Variants in CGNL1 observed in about 807,000 individuals in gnomAD.
CGNL1 encodes the protein cingulin like 1.
Under a neutral mutation model 141.2 loss-of-function variants are expected in CGNL1, and 132 were observed. That is an observed-to-expected ratio of 0.93 (90% CI 0.81 to 1.08). The LOEUF is 1.08. Ranked by LOEUF, CGNL1 falls within the 50% of genes least tolerant of loss-of-function variation. The pLI is 0.00. For synonymous variants in CGNL1, 690 were observed against 622.1 expected, an observed-to-expected ratio of 1.11 and a Z score of -1.63; for missense variants, 1,870 against 1,588.6, an observed-to-expected ratio of 1.18 and a Z score of -3.01.
intron 13 of CGNL1, among the ~76,000 whole-genome samples, chr15:57,530,065 C>A (rs2031864788): frequency 6.6e-6 from 1 of 152,218 alleles, no homozygotes; most frequent in African/African-American, 2.4e-5. Flanking sequence ...CAACCTGGCT[C>A]AAAACAAGCT....
At chr15:57,395,998 C>G (rs1009706702) in intron 1 of CGNL1, among the ~76,000 whole-genome samples, 4 of 152,126 alleles carry the variant, frequency 2.6e-5, no homozygotes, top group Non-Finnish European at 4.4e-5. Flanking sequence ...TGTTCTTGAA[C>G]TTCATAAAAA....
chr15:57,480,318 G>C (rs2063710039), intron 8 of CGNL1, among the ~76,000 whole-genome samples: 1 of 132,812 alleles, frequency 7.5e-6, no homozygotes, highest in African/African-American at 3.4e-5. Context: ...AGGAGTTTGA[G>C]ACCCGCCTGG....
chr15:57,429,054 G>A (rs1326070643), intron 1 of CGNL1, among the ~76,000 whole-genome samples: 1 of 151,216 alleles, frequency 6.6e-6, no homozygotes, highest in East Asian at 2.0e-4. Context: ...AAAAAAAAGT[G>A]CAGCTGCACA....
In CGNL1 at chr15:57,531,735, A is replaced by G; in HGVS notation, c.3247A>G (p.Asn1083Asp). The G allele has an allele frequency of 1.9e-6, 3 of 1,613,438 alleles. No individual in the cohort carries two copies. The highest frequency in any genetic ancestry group is 1.7e-4 in the Middle Eastern group (1 of 6,060). Reference protein sequence around the residue: ...LEMELEEERNNSDLLSERISR... With the variant: ...LEMELEEERNDSDLLSERISR... ...GATGGAACTGGAAGAAGAGAGAAAC[A>G]ACTCAGATTTGCTGTCTGAGAGGAT... The change falls in exon 14 of 19, where the codon AAC becomes GAC. Residue 1083 changes from asparagine (N) to aspartate (D), a missense_variant. Coordinates refer to ENST00000281282, the MANE Select transcript of CGNL1 (RefSeq NM_032866.5).
At chr15:57,480,781 G>A (rs1050016353) in intron 8 of CGNL1, among the ~76,000 whole-genome samples, 19 of 152,120 alleles carry the variant, frequency 1.2e-4, no homozygotes, top group Admixed American at 1.3e-4. Flanking sequence ...TTCTAAAGAG[G>A]AGACAGGTAT....
chr15:57,412,226 T>C (rs1256681616), intron 1 of CGNL1, among the ~76,000 whole-genome samples: 2 of 152,210 alleles, frequency 1.3e-5, no homozygotes, highest in African/African-American at 4.8e-5. Flanking sequence ...TGTTAGTGGG[T>C]GGCCCGAACC....
At chr15:57,422,586 A>G (rs1208792152) in intron 1 of CGNL1, among the ~76,000 whole-genome samples, 2 of 152,250 alleles carry the variant, frequency 1.3e-5, no homozygotes, top group Admixed American at 6.5e-5. Context: ...TGGACAGCAT[A>G]GTTCGGAGCA....
intron 7 of CGNL1, among the ~76,000 whole-genome samples, chr15:57,458,949 AC>A (rs2063413269): frequency 1.3e-5 from 2 of 152,154 alleles, no homozygotes; most frequent in African/African-American, 4.8e-5. Context: ...ATGCAGCCCC[AC>A]CCTGGGATTG....
intron 8 of CGNL1, among the ~76,000 whole-genome samples, chr15:57,491,873 C>T (rs760161481): frequency 6.6e-6 from 1 of 152,178 alleles, no homozygotes; most frequent in African/African-American, 2.4e-5. Flanking sequence ...CCTCCTCCTT[C>T]CTGCAAACAT....
At chr15:57,398,217 AAC>A (rs2062623572) in intron 1 of CGNL1, 1 of 152,210 alleles carries the variant, frequency 6.6e-6, no homozygotes, top group Non-Finnish European at 1.5e-5. Flanking sequence ...CATGAAGATA[AAC>A]ACATGTTAAT....
chr15:57,383,774 G>T (rs1433151295), intron 1 of CGNL1, among the ~76,000 whole-genome samples: 1 of 151,894 alleles, frequency 6.6e-6, no homozygotes, highest in Non-Finnish European at 1.5e-5. Context: ...GACCACAGAT[G>T]CAGGCTACTA....
intron 3 of CGNL1, 85 bp from the exon 4 acceptor site, chr15:57,442,288 C>G (rs2063199242): frequency 1.4e-6 from 1 of 724,452 alleles, no homozygotes; most frequent in South Asian, 1.7e-5. Flanking sequence ...CTTAAAGGAC[C>G]TGTTGGGTGT....
intron 8 of CGNL1, among the ~76,000 whole-genome samples, chr15:57,496,598 C>T (rs1327907177): frequency 6.6e-6 from 1 of 152,132 alleles, no homozygotes; most frequent in Non-Finnish European, 1.5e-5. Context: ...TGCTTTACTC[C>T]ATTCCAAGTC....
intron 1 of CGNL1, among the ~76,000 whole-genome samples, chr15:57,422,935 A>T (rs2062932060): frequency 6.6e-6 from 1 of 152,132 alleles, no homozygotes; most frequent in Non-Finnish European, 1.5e-5. Flanking sequence ...TGGTCCCCAA[A>T]AGCCTTTTTG....
intron 8 of CGNL1, among the ~76,000 whole-genome samples, chr15:57,467,624 A>G (rs939594562): frequency 1.4e-4 from 22 of 151,842 alleles, no homozygotes; most frequent in African/African-American, 4.4e-4. Context: ...TATTAATGAT[A>G]TTAAGAAACT....
chr15:57,495,079 A>G (rs2063918581), intron 8 of CGNL1, among the ~76,000 whole-genome samples: 1 of 152,182 alleles, frequency 6.6e-6, no homozygotes, highest in Admixed American at 6.5e-5. Context: ...TGGGGGCTTT[A>G]TAGGGTAGAG....
chr15:57,385,691 A>G (rs2062474858), intron 1 of CGNL1, among the ~76,000 whole-genome samples: 1 of 152,160 alleles, frequency 6.6e-6, no homozygotes, highest in South Asian at 2.1e-4. Context: ...CAGTCAAGCC[A>G]TATCTCTTTG....
At chr15:57,462,676 T>G (rs1695672648) in intron 8 of CGNL1, among the ~76,000 whole-genome samples, 1 of 152,188 alleles carries the variant, frequency 6.6e-6, no homozygotes, top group Non-Finnish European at 1.5e-5. Context: ...CAGTGACAGC[T>G]CAGAGTTAGT....
At chr15:57,447,397 C>A (rs2063267561) in intron 4 of CGNL1, among the ~76,000 whole-genome samples, 1 of 152,172 alleles carries the variant, frequency 6.6e-6, no homozygotes, top group South Asian at 2.1e-4. Context: ...TTTTCAGGAA[C>A]TCTAGTGTGG....
Sources: allele counts gnomAD v4.1 joint callset (sites outside exome capture counted in the v4.1 genomes callset), GRCh38; gene constraint gnomAD v4.1.1; transcripts MANE v1.5; gene names NCBI Gene and HGNC (gene_info 2026-07-23, HGNC 2026-07-21).